Variants in CFAP299 observed in about 807,000 individuals in gnomAD.
The protein encoded by CFAP299 is cilia- and flagella-associated protein 299.
In CFAP299, 21 loss-of-function variants were observed where a neutral mutation model predicts 27.0. That is an observed-to-expected ratio of 0.78 (90% confidence interval 0.55 to 1.12). The LOEUF is 1.12. Among genes scored for constraint, CFAP299 ranks in the 50% most tolerant of loss-of-function variants. The pLI, the probability that CFAP299 is intolerant of heterozygous loss-of-function variation, is 0.00. For missense variants in CFAP299, 310 were observed against 276.6 expected, an observed-to-expected ratio of 1.12 and a Z score of -0.86; for synonymous variants, 104 against 98.1, an observed-to-expected ratio of 1.06 and a Z score of -0.36.
At chr4:80,650,413 G>A (rs1203537532) in intron 3 of CFAP299, among the ~76,000 whole-genome samples, 1 of 151,710 alleles carries the variant, frequency 6.6e-6, no homozygotes, top group Non-Finnish European at 1.5e-5. Flanking sequence ...TCTTTATTTA[G>A]CATATCTCTT....
chr4:80,637,145 C>A (rs1360716027), intron 3 of CFAP299, among the ~76,000 whole-genome samples: 3 of 152,022 alleles, frequency 2.0e-5, no homozygotes, highest in African/African-American at 7.2e-5. Context: ...TTGTAAAGAT[C>A]AAGAACCTAA....
chr4:80,845,279 G>GTTT (rs200523960), intron 3 of CFAP299, among the ~76,000 whole-genome samples: 10 of 134,594 alleles, frequency 7.4e-5, no homozygotes, highest in South Asian at 2.3e-4. Flanking sequence ...GTCCCACACT[G>GTTT]TTTTTTTTTT....
At chr4:80,485,048 A>C (rs1730738543) in intron 2 of CFAP299, among the ~76,000 whole-genome samples, 1 of 152,060 alleles carries the variant, frequency 6.6e-6, no homozygotes, top group African/African-American at 2.4e-5. Context: ...TTTATAATGG[A>C]AGGACCAGGC....
At chr4:80,737,708 A>G (rs1008884646) in intron 3 of CFAP299, among the ~76,000 whole-genome samples, 2 of 151,988 alleles carry the variant, frequency 1.3e-5, no homozygotes, top group Non-Finnish European at 2.9e-5. Context: ...AACTTTGTTT[A>G]TCTTTCAGAA....
intron 3 of CFAP299, among the ~76,000 whole-genome samples, chr4:80,834,800 C>A (rs140473790): frequency 6.6e-6 from 1 of 152,238 alleles, no homozygotes; most frequent in East Asian, 1.9e-4. Context: ...GGGTGCTTGT[C>A]ATCGGTACTT....
intron 3 of CFAP299, among the ~76,000 whole-genome samples, chr4:80,693,843 A>T (rs967270318): frequency 7.2e-6 from 1 of 139,356 alleles, no homozygotes; most frequent in African/African-American, 2.7e-5. Flanking sequence ...ATCTGTTAAT[A>T]AAAAAAAAAA....
intron 3 of CFAP299, among the ~76,000 whole-genome samples, chr4:80,623,334 C>T (rs1280358002): frequency 6.6e-6 from 1 of 151,878 alleles, no homozygotes. Flanking sequence ...AGGGAATAGT[C>T]TAATATTAAT....
intron 2 of CFAP299, among the ~76,000 whole-genome samples, chr4:80,469,233 C>T (rs1033131018): frequency 6.6e-6 from 1 of 152,206 alleles, no homozygotes; most frequent in African/African-American, 2.4e-5. Flanking sequence ...TTTCAGAGGT[C>T]TTCCAGGTGA....
Position 80,554,761 on chromosome 4 carries a change from G to A in CFAP299, c.243-28332G>A, listed in dbSNP as rs2101351. 7.1e-3 allele frequency among the ~76,000 whole-genome samples: 1,086 copies of A among 152,028 alleles called. 9 individuals carry two copies. The highest frequency in any genetic ancestry group is 0.015 in the Admixed American group (228 of 15,214). ...TAGATATTTTATTTTTTGTGTGACAGTTGTGAATGGGATTGCCTTCCTGAT... is the reference window on the plus strand; with the variant it reads ...TAGATATTTTATTTTTTGTGTGACAATTGTGAATGGGATTGCCTTCCTGAT... On this transcript the variant is annotated intron_variant, in intron 2 of 5. Coordinates refer to ENST00000358105, the MANE Select transcript of CFAP299 (RefSeq NM_152770.3).
intron 2 of CFAP299, among the ~76,000 whole-genome samples, chr4:80,496,327 TC>T (rs539078993): frequency 5.4e-4 from 83 of 152,346 alleles, no homozygotes; most frequent in African/African-American, 1.9e-3. Context: ...CTTAGAAATT[TC>T]TTCTACCAGA....
chr4:80,743,253 A>G (rs1307769485), intron 3 of CFAP299, among the ~76,000 whole-genome samples: 1 of 152,114 alleles, frequency 6.6e-6, no homozygotes, highest in East Asian at 1.9e-4. Context: ...AAAAGAAAAA[A>G]AAAAGTACTT....
At chr4:80,871,112 G>T in intron 4 of CFAP299, 2 of 595,626 alleles carry the variant, frequency 3.4e-6, no homozygotes, top group Non-Finnish European at 4.2e-6. Flanking sequence ...CCACCATATT[G>T]GTCAAGCTGG....
intron 4 of CFAP299, among the ~76,000 whole-genome samples, chr4:80,880,875 T>C (rs1733667584): frequency 6.6e-6 from 1 of 152,174 alleles, no homozygotes; most frequent in South Asian, 2.1e-4. Flanking sequence ...TCTCCTATAG[T>C]GGGGAAAGTG....
chr4:80,883,088 A>AT (rs1733793472), intron 4 of CFAP299, among the ~76,000 whole-genome samples: 3 of 150,760 alleles, frequency 2.0e-5, no homozygotes, highest in Non-Finnish European at 4.4e-5. Flanking sequence ...ATATAACTAC[A>AT]ATAATTTGCT....
In CFAP299 at chr4:80,362,741, A is replaced by G; in HGVS notation, c.112-13A>G. ...CATTTGCCCACTCACCTAACAACTG[A>G]TTTTCTCTCTAGGATGAAACCCTGG... On this transcript the variant is annotated splice_polypyrimidine_tract_variant and intron_variant, in intron 1 of 5. Transcript: ENST00000358105. 1 of 1,588,070 alleles carries G rather than the reference A, an allele frequency of 6.3e-7. No individual in the cohort carries two copies. The highest frequency in any genetic ancestry group is 8.5e-7 in the Non-Finnish European group (1 of 1,172,652).
At chr4:80,534,845 A>T (rs1462800235) in intron 2 of CFAP299, among the ~76,000 whole-genome samples, 1 of 152,192 alleles carries the variant, frequency 6.6e-6, no homozygotes, top group African/African-American at 2.4e-5. Context: ...TCTTGTCAGC[A>T]TTTTTAATTG....
chr4:80,902,835 C>T lies in CFAP299; in HGVS notation c.476+32700C>T, dbSNP rs528634886. Among the ~76,000 whole-genome samples the T allele has an allele frequency of 3.0e-4, 45 of 151,864 alleles. No individual in the cohort carries two copies. In the South Asian group the frequency reaches 8.7e-3, roughly 29 times the overall value. On this transcript the variant is annotated intron_variant, in intron 4 of 5. Coordinates refer to ENST00000358105, the MANE Select transcript of CFAP299 (RefSeq NM_152770.3). ...CTGTTCCAATCAGAGAATAAATTAT[C>T]TTTGCAGAATAAAATATATAGGACA...
intron 2 of CFAP299, among the ~76,000 whole-genome samples, chr4:80,494,574 G>T (rs955059611): frequency 1.3e-5 from 2 of 152,024 alleles, no homozygotes; most frequent in African/African-American, 4.8e-5. Flanking sequence ...ACAACCCTCT[G>T]GCCACCCTAG....
At chr4:80,589,180 T>A (rs1280744649) in intron 3 of CFAP299, among the ~76,000 whole-genome samples, 2 of 152,174 alleles carry the variant, frequency 1.3e-5, no homozygotes, top group African/African-American at 4.8e-5. Context: ...GTTAACTCAA[T>A]TACTCCTGAT....
Sources: gnomAD v4.1 joint callset for allele counts (sites outside exome capture counted in the v4.1 genomes callset) on GRCh38, gnomAD v4.1.1 for gene constraint, MANE v1.5 for transcripts, NCBI Gene and HGNC (gene_info 2026-07-23, HGNC 2026-07-21) for gene names.